ACSL6: variants seen among roughly 807,000 people sequenced by gnomAD.
ACSL6 encodes acyl-CoA synthetase long chain family member 6, also known as long-chain-fatty-acid--CoA ligase 6.
In ACSL6, 47 loss-of-function variants were observed where a neutral mutation model predicts 98.2. That is an observed-to-expected ratio of 0.48 (90% CI 0.38 to 0.61). The LOEUF is 0.61. Among genes scored for constraint, ACSL6 ranks in the 20% least tolerant of loss-of-function variants. The probability of loss-of-function intolerance (pLI) is 0.00; values close to 1 mark genes in which losing one functional copy is unlikely to be tolerated. For missense variants in ACSL6, 761 were observed against 913.4 expected (o/e 0.83, Z 2.15); for synonymous variants, 362 against 336.9 (o/e 1.07, Z -0.82).
chr5:131,961,882 A>T (rs1402361723), intron 18 of ACSL6, among the ~76,000 whole-genome samples: 1 of 151,760 alleles, frequency 6.6e-6, no homozygotes, highest in Non-Finnish European at 1.5e-5. Flanking sequence ...TATTAAAAAA[A>T]TCAAAACAGG....
rs1186451899 is a variant in ACSL6 at position 132,011,298 on chromosome 5, C to A, written c.49+207G>T. The A allele has an allele frequency of 1.3e-5, 8 of 610,554 alleles. No homozygotes were observed. The highest frequency in any genetic ancestry group is 1.8e-5 in the Non-Finnish European group (6 of 340,180). The allele number at this position is 610,554 out of a possible 1,614,324, so 37.8% of individuals were successfully genotyped here. Reference sequence around the variant, plus strand: ...CAAGCCCTATATCTCCCTCCGCAGACCCAGGTGCTCCCCAAACCCGGCCCG... The same window carrying A: ...CAAGCCCTATATCTCCCTCCGCAGAACCAGGTGCTCCCCAAACCCGGCCCG... On this transcript the variant is annotated intron_variant, in intron 1 of 20. Coordinates refer to ENST00000651883, the MANE Select transcript of ACSL6 (RefSeq NM_001009185.3). This position sits in a 1 kb window ranked among gnomAD's most constrained non-coding sequence, Gnocchi z 5.4.
rs17132300 is a variant in ACSL6, at chr5:132,006,031, T to C, written c.49+5474A>G. ...CCCTCACTGGCCTGGCTTCCTGCTC[T>C]AAATTCCCAGGAGACAGTGATCTCG... On this transcript the variant is annotated intron_variant, in intron 1 of 20. Transcript: ENST00000651883. Among the ~76,000 whole-genome samples the C allele has an allele frequency of 9.7e-4, 148 of 152,326 alleles. 1 individual carries two copies. The highest frequency in any genetic ancestry group is 3.5e-3 in the African/African-American group (145 of 41,568).
chr5:131,962,764 AC>A, intron 17 of ACSL6, 86 bp from the exon 18 acceptor site: 1 of 1,494,714 alleles, frequency 6.7e-7, no homozygotes, highest in South Asian at 1.2e-5. Context: ...TCCCTGCCCT[AC>A]CCCACCCTGC....
chr5:131,962,981 A>AC (rs1196431971), intron 17 of ACSL6, among the ~76,000 whole-genome samples: 2 of 151,226 alleles, frequency 1.3e-5, no homozygotes, highest in African/African-American at 4.9e-5. Flanking sequence ...AGGTATCCTC[A>AC]CCTCCTCCTT....
Position 131,963,181 on chromosome 5 carries a change from C to T in ACSL6, c.1714-503G>A, listed in dbSNP as rs184756365. 9.2e-5 allele frequency among the ~76,000 whole-genome samples: 14 copies of T among 152,292 alleles called. 1 individual carries two copies. The East Asian group carries it at 2.7e-3, about 29-fold the overall frequency. ...GCATATAGCACAGACCTGACAGAGC[C>T]CCTGTGACTCCTACCTGACATGCCA... is the stretch of plus-strand genomic sequence containing the variant. On this transcript the variant is annotated intron_variant, in intron 17 of 20. Transcript: ENST00000651883.
chr5:131,958,040 G>T (rs955240910), intron 20 of ACSL6, among the ~76,000 whole-genome samples: 2 of 152,226 alleles, frequency 1.3e-5, no homozygotes, highest in Non-Finnish European at 2.9e-5. Context: ...GGAAAGTCAA[G>T]AACTCGTCTC....
Position 132,011,106 on chromosome 5 carries a change from G to A in ACSL6, c.49+399C>T, listed in dbSNP as rs1755701307. Among the ~76,000 whole-genome samples, 1 of 152,174 alleles carries A rather than the reference G, an allele frequency of 6.6e-6. No homozygotes were observed. The highest frequency in any genetic ancestry group is 2.4e-5 in the African/African-American group (1 of 41,432). On this transcript the variant is annotated intron_variant, in intron 1 of 20. Transcript: ENST00000651883. This position sits in a 1 kb window ranked among gnomAD's most constrained non-coding sequence, Gnocchi z 5.4. ...GGGTTACATAGCTGACCTGCTGTGG[G>A]ACCTCGGGGACCAACACCCTCGGTT...
intron 1 of ACSL6, chr5:131,999,572 G>C (rs1354537068): frequency 6.6e-6 from 1 of 152,276 alleles, no homozygotes; most frequent in Non-Finnish European, 1.5e-5. Context: ...CCCTCCTGGG[G>C]ACAGTCGATG....
At chr5:131,965,845 G>C (rs1406808654) in intron 17 of ACSL6, among the ~76,000 whole-genome samples, 1 of 152,226 alleles carries the variant, frequency 6.6e-6, no homozygotes, top group Non-Finnish European at 1.5e-5. Context: ...TTGGCTAAAA[G>C]CTGGGGGCCA....
At chr5:131,976,571 A>C in intron 10 of ACSL6, 77 bp downstream of exon 10, 3 of 1,299,492 alleles carry the variant, frequency 2.3e-6, no homozygotes, top group Non-Finnish European at 3.2e-6. Flanking sequence ...AAAGAAAACA[A>C]ACAAATAAAA....
intron 13 of ACSL6, among the ~76,000 whole-genome samples, chr5:131,972,031 T>C (rs1753335961): frequency 6.6e-6 from 1 of 152,250 alleles, no homozygotes; most frequent in African/African-American, 2.4e-5. Context: ...ATTTCCATTT[T>C]AATGGCATTG....
At chr5:132,007,432 A>C (rs1755474982) in intron 1 of ACSL6, among the ~76,000 whole-genome samples, 2 of 152,272 alleles carry the variant, frequency 1.3e-5, no homozygotes, top group Admixed American at 1.3e-4. Flanking sequence ...ATCCCCTTTA[A>C]GGAAAGCCTA....
rs1199239420 is a variant in ACSL6, at chr5:131,988,151, GTCTCCTTCC to G, written c.719_727del (p.Arg240_Glu242del). The G allele has an allele frequency of 1.2e-6, 2 of 1,614,076 alleles. No individual in the cohort carries two copies. The highest frequency in any genetic ancestry group is 4.5e-5 in the East Asian group (2 of 44,896). On this transcript the variant is annotated inframe_deletion, in exon 7 of 21. Transcript: ENST00000651883. ...GAGGATGATCAGCTTGAGGCCTGGA[GTCTCCTTCC>G]TCTCCACATGCTCTAGCAGAAGCAC... is the stretch of plus-strand genomic sequence containing the variant.
chr5:131,964,708 A>G (rs887427260), intron 17 of ACSL6, among the ~76,000 whole-genome samples: 5 of 152,244 alleles, frequency 3.3e-5, no homozygotes, highest in African/African-American at 1.2e-4. Flanking sequence ...AAGCTCCCTG[A>G]GCCAACAGGA....
intron 2 of ACSL6, among the ~76,000 whole-genome samples, chr5:131,991,414 T>C (rs1754506188): frequency 6.6e-6 from 1 of 152,126 alleles, no homozygotes; most frequent in Non-Finnish European, 1.5e-5. Context: ...TAAGGATCAG[T>C]TGGGTGTGGT....
Position 131,954,025 on chromosome 5 carries a change from C to T in ACSL6, c.*209G>A, listed in dbSNP as rs191609043. The T allele has an allele frequency of 8.0e-5, 30 of 373,954 alleles. No homozygotes were observed. The Middle Eastern group carries it at 2.2e-3, about 27-fold the overall frequency. 23.2% of individuals were successfully genotyped at this position (373,954 alleles called of 1,614,324 possible). On this transcript the variant is annotated 3_prime_UTR_variant, in exon 21 of 21. Transcript: ENST00000651883. ...GCCATTTGTGATATTTTTAGCAGTCCACCACAATATCATTTTTATAATAAA... is the reference window on the plus strand; with the variant it reads ...GCCATTTGTGATATTTTTAGCAGTCTACCACAATATCATTTTTATAATAAA...
intron 16 of ACSL6, among the ~76,000 whole-genome samples, chr5:131,967,336 G>A (rs1397639519): frequency 6.6e-6 from 1 of 152,102 alleles, no homozygotes; most frequent in Admixed American, 6.5e-5. Flanking sequence ...TCCAGCCTGG[G>A]TGGCAGAGCA....
In ACSL6 at chr5:131,988,140, T is replaced by C; in HGVS notation, c.739A>G (p.Lys247Glu). The C allele has an allele frequency of 6.2e-7, 1 of 1,614,184 alleles. No homozygotes were observed. Among genetic ancestry groups the C allele is most frequent in the Non-Finnish European group, 8.5e-7 (1 of 1,180,030 alleles). The stretch of plus-strand genomic sequence containing the variant: ...AATGGGTCCATGAGGATGATCAGCT[T>C]GAGGCCTGGAGTCTCCTTCCTCTCC... ...HVERKETPGL[K>E]LIILMDPFEE... Residue 247 changes from lysine to glutamate, a missense_variant, in exon 7 of 21, where the codon AAG becomes GAG. Physicochemically the swap from Lys to Glu is moderately conservative, Grantham distance 56. Transcript: ENST00000651883.
Position 131,990,172 on chromosome 5 carries a change from G to C in ACSL6, c.386-8C>G. On this transcript the variant is annotated splice_region_variant and splice_polypyrimidine_tract_variant and intron_variant, in intron 3 of 20. Transcript: ENST00000651883. ...CAAGACAGGGCCCATTCCCTGTAGA[G>C]AGATAAGAAAGCCTTGTGTCAGAGA... The C allele has an allele frequency of 6.2e-7, 1 of 1,613,906 alleles. No homozygotes were observed. The highest frequency in any genetic ancestry group is 8.5e-7 in the Non-Finnish European group (1 of 1,179,904).
Sources: allele counts gnomAD v4.1 joint callset (sites outside exome capture counted in the v4.1 genomes callset), GRCh38; gene constraint gnomAD v4.1.1; non-coding constraint Gnocchi (gnomAD v3.1); transcripts MANE v1.5; gene names NCBI Gene and HGNC (gene_info 2026-07-23, HGNC 2026-07-21).